RBFOX3: variants seen among roughly 807,000 people sequenced by gnomAD.
RBFOX3 encodes RNA binding fox-1 homolog 3.
RBFOX3 carries 17 observed loss-of-function variants against 48.7 expected under a neutral mutation model. That is an observed-to-expected ratio of 0.35 (90% CI 0.24 to 0.52). RBFOX3 has a LOEUF of 0.52. RBFOX3 is among the 20% of genes least tolerant of loss of function. RBFOX3 has a pLI of 0.94. For synonymous variants in RBFOX3, 212 were observed against 209.5 expected (o/e 1.01, Z -0.10); for missense variants, 382 against 497.5 (o/e 0.77, Z 2.21).
At chr17:79,393,819 C>A (rs768130476) in intron 2 of RBFOX3, among the ~76,000 whole-genome samples, 1 of 150,686 alleles carries the variant, frequency 6.6e-6, no homozygotes, top group Non-Finnish European at 1.5e-5. Flanking sequence ...AGCCAGTCAT[C>A]ATGCACATCT....
rs942940001 is a variant in RBFOX3 at position 79,094,582 on chromosome 17, G to A, written c.999-53C>T. On this transcript the variant is annotated intron_variant, in intron 13 of 14. Coordinates refer to ENST00000693108, the MANE Select transcript of RBFOX3 (RefSeq NM_001350451.2). Reference sequence around the variant, plus strand: ...GGAGGAGGGTGGGGGAGGGGGGCAGGTGAGGGGCAGCAACGGCCTCCCACC... The same window carrying A: ...GGAGGAGGGTGGGGGAGGGGGGCAGATGAGGGGCAGCAACGGCCTCCCACC... 4.0e-6 allele frequency: 3 copies of A among 751,406 alleles called. 1 individual carries two copies. The allele number at this position is 751,406 out of a possible 1,614,324, so 46.5% of individuals were successfully genotyped here.
intron 3 of RBFOX3, among the ~76,000 whole-genome samples, chr17:79,278,087 G>A (rs1275065471): frequency 1.3e-5 from 2 of 152,202 alleles, no homozygotes; most frequent in East Asian, 1.9e-4. Flanking sequence ...GAGGTGTGTG[G>A]TGACAACAAG....
rs55820138 is a variant in RBFOX3 at position 79,263,779 on chromosome 17, G to A, written c.-73-27974C>T. Among the ~76,000 whole-genome samples, 640 of 152,272 alleles carry A rather than the reference G, an allele frequency of 4.2e-3. 3 individuals are homozygous for A. The highest frequency in any genetic ancestry group is 0.014 in the African/African-American group (590 of 41,564). On this transcript the variant is annotated intron_variant, in intron 3 of 14. Coordinates refer to ENST00000693108, the MANE Select transcript of RBFOX3 (RefSeq NM_001350451.2). ...AACGCGCGCTTACGAGGGGCAGAACGATGTCCCCAAGAAGGTATGTCCAGT... is the reference window on the plus strand; with the variant it reads ...AACGCGCGCTTACGAGGGGCAGAACAATGTCCCCAAGAAGGTATGTCCAGT...
chr17:79,501,550 G>A (rs1452847620), intron 1 of RBFOX3, among the ~76,000 whole-genome samples: 3 of 152,208 alleles, frequency 2.0e-5, no homozygotes, highest in African/African-American at 7.2e-5. Context: ...GAACCTGCAA[G>A]AGCCGAGGGG....
At chr17:79,569,173 C>T (rs1262539103) in intron 1 of RBFOX3, among the ~76,000 whole-genome samples, 8 of 152,016 alleles carry the variant, frequency 5.3e-5, no homozygotes, top group African/African-American at 1.9e-4. Flanking sequence ...GCACCCATGA[C>T]TATGACCCAC....
Position 79,103,322 on chromosome 17 carries a change from C to A in RBFOX3, c.415-68G>T. The A allele has an allele frequency of 2.9e-6, 3 of 1,024,028 alleles. No homozygotes were observed. Among genetic ancestry groups the A allele is most frequent in the South Asian group, 1.5e-5 (1 of 67,948 alleles). The allele number at this position is 1,024,028 out of a possible 1,614,324, so 63.4% of individuals were successfully genotyped here. A position where few individuals can be genotyped will look rare whatever the true frequency, so the allele number is the denominator to read the frequency against. On this transcript the variant is annotated intron_variant, in intron 7 of 14. Transcript: ENST00000693108. The surrounding 1 kb of genome is among the most constrained non-coding windows in gnomAD (Gnocchi z 6.1). ...CACAGGGCGAGAAAGAGGAGGAAGA[C>A]GAGGAAGAAGAGGAGTGGGAGGGGG...
intron 1 of RBFOX3, among the ~76,000 whole-genome samples, chr17:79,508,512 C>T (rs797036917): frequency 0.41 from 62,449 of 152,114 alleles, 14,095 homozygotes; most frequent in East Asian, 0.62. Context: ...CTCTGCTCCC[C>T]GCACCCCCAC....
chr17:79,620,257 A>G, the RBFOX3 span, among the ~76,000 whole-genome samples: 3 of 150,592 alleles, frequency 2.0e-5, no homozygotes, highest in Admixed American at 6.6e-5. Context: ...ACGCACATGC[A>G]CACACACGTG....
rs79420593 is a variant in RBFOX3 at position 79,118,061 on chromosome 17, G to A, written c.-33-2313C>T. On this transcript the variant is annotated intron_variant, in intron 4 of 14. Transcript: ENST00000693108. ...GGGTGCGCATAGCTGGAAGGGTGGA[G>A]CCTGGGCAACCCAGCCGTGCCCTGC... 2.5e-3 allele frequency among the ~76,000 whole-genome samples: 376 copies of A among 152,114 alleles called. 5 individuals carry two copies. The highest frequency in any genetic ancestry group is 7.2e-3 in the Admixed American group (110 of 15,302).
chr17:79,400,072 C>G (rs773497902), intron 2 of RBFOX3, among the ~76,000 whole-genome samples: 4 of 152,124 alleles, frequency 2.6e-5, no homozygotes, highest in Non-Finnish European at 5.9e-5. Context: ...CCCCTGGGAT[C>G]AGGATCGGAG....
At chr17:79,435,160 G>A (rs8081081) in intron 2 of RBFOX3, among the ~76,000 whole-genome samples, 28,735 of 151,916 alleles carry the variant, frequency 0.19, 3,128 homozygotes, top group East Asian at 0.47. Context: ...CCCCACCTCC[G>A]CAGGGTGGAC....
At chr17:79,537,113 A>AC (rs2088913825) in intron 1 of RBFOX3, among the ~76,000 whole-genome samples, 1 of 139,810 alleles carries the variant, frequency 7.2e-6, no homozygotes. Context: ...AAACAAACAA[A>AC]AAACAAAAAA....
chr17:79,330,582 G>GC (rs1555673296), intron 2 of RBFOX3, among the ~76,000 whole-genome samples: 2 of 151,752 alleles, frequency 1.3e-5, no homozygotes, highest in East Asian at 3.9e-4. Flanking sequence ...GTGGCAGGGG[G>GC]TCTGATAGTG....
At chr17:79,091,119 G>A (rs1484146237) in intron 14 of RBFOX3, among the ~76,000 whole-genome samples, 1 of 152,250 alleles carries the variant, frequency 6.6e-6, no homozygotes, top group Non-Finnish European at 1.5e-5. Flanking sequence ...GGAGGAGACA[G>A]AGCTGAGCAG....
At chr17:79,264,839 T>C (rs2066405051) in intron 3 of RBFOX3, among the ~76,000 whole-genome samples, 1 of 152,050 alleles carries the variant, frequency 6.6e-6, no homozygotes, top group African/African-American at 2.4e-5. Flanking sequence ...GCCTTCTCCT[T>C]GGCTCCTGCC....
At chr17:79,192,926 C>T (rs1389456433) in intron 4 of RBFOX3, among the ~76,000 whole-genome samples, 1 of 152,228 alleles carries the variant, frequency 6.6e-6, no homozygotes, top group Non-Finnish European at 1.5e-5. Context: ...CTTTTGCCAT[C>T]CCTGACCCCC....
chr17:79,338,071 T>C (rs2081472701), intron 2 of RBFOX3, among the ~76,000 whole-genome samples: 1 of 152,020 alleles, frequency 6.6e-6, no homozygotes, highest in African/African-American at 2.4e-5. Context: ...CCCGAGTAGC[T>C]AGGATTACAG....
intron 3 of RBFOX3, among the ~76,000 whole-genome samples, chr17:79,307,377 A>T (rs2145575454): frequency 6.6e-6 from 1 of 152,344 alleles, no homozygotes; most frequent in African/African-American, 2.4e-5. Context: ...CTGTAAACAG[A>T]GAGTTTAATA....
intron 3 of RBFOX3, among the ~76,000 whole-genome samples, chr17:79,301,906 G>A (rs1009958295): frequency 6.6e-6 from 1 of 152,184 alleles, no homozygotes; most frequent in African/African-American, 2.4e-5. Context: ...AGAGTCATCC[G>A]ATTCACAGAG....
Sources: gnomAD v4.1 joint callset for allele counts (sites outside exome capture counted in the v4.1 genomes callset) on GRCh38, gnomAD v4.1.1 for gene constraint, Gnocchi (gnomAD v3.1) non-coding constraint, MANE v1.5 for transcripts, NCBI Gene and HGNC (gene_info 2026-07-23, HGNC 2026-07-21) for gene names.